PLCZ1: variants seen among roughly 807,000 people sequenced by gnomAD.
PLCZ1 encodes the protein 1-phosphatidylinositol 4,5-bisphosphate phosphodiesterase zeta-1.
In PLCZ1, 64 loss-of-function variants were observed where a neutral mutation model predicts 76.8. The observed-to-expected ratio is 0.83, with a 90% CI of 0.68 to 1.03. The LOEUF is 1.03. Ranked by LOEUF, PLCZ1 falls within the 50% of genes least tolerant of loss-of-function variation. The pLI is 0.00. For missense variants in PLCZ1, 751 were observed against 713.7 expected (o/e 1.05, Z -0.60); for synonymous variants, 248 against 230.8 (o/e 1.07, Z -0.68).
chr12:18,686,464 C>T (rs1380892849), intron 13 of PLCZ1, among the ~76,000 whole-genome samples: 1 of 151,968 alleles, frequency 6.6e-6, no homozygotes, highest in Non-Finnish European at 1.5e-5. Flanking sequence ...AGTTTCTTGG[C>T]TTTTCTCTAG....
chr12:18,649,982 CT>C, the PLCZ1 span, among the ~76,000 whole-genome samples: 3,841 of 152,122 alleles, frequency 0.025, 72 homozygotes, highest in Non-Finnish European at 0.04. Context: ...TCCCATCAAG[CT>C]TAACTCCTTT....
At chr12:18,721,821 T>G (rs985794410) in intron 4 of PLCZ1, among the ~76,000 whole-genome samples, 9 of 152,052 alleles carry the variant, frequency 5.9e-5, no homozygotes, top group African/African-American at 2.2e-4. Context: ...TGCAAAAATT[T>G]AATGGTGCTG....
At chr12:18,693,638 G>A in intron 12 of PLCZ1, 1 of 1,564,686 alleles carries the variant, frequency 6.4e-7, no homozygotes, top group Non-Finnish European at 8.8e-7. Flanking sequence ...TGATGAAATT[G>A]ACGCCATTGG....
chr12:18,673,713 G>T, the PLCZ1 span, among the ~76,000 whole-genome samples: 3 of 152,154 alleles, frequency 2.0e-5, no homozygotes, highest in African/African-American at 7.2e-5. Context: ...AGGCTACAAA[G>T]GGTCTGCAGT....
chr12:18,676,609 A>G, the PLCZ1 span, among the ~76,000 whole-genome samples: 1 of 152,108 alleles, frequency 6.6e-6, no homozygotes, highest in Non-Finnish European at 1.5e-5. Flanking sequence ...TCTGTTGTAG[A>G]CTACAAAGAA....
At chr12:18,650,329 C>CTA in the PLCZ1 span, among the ~76,000 whole-genome samples, 1,824 of 82,108 alleles carry the variant, frequency 0.022, 17 homozygotes, top group Middle Eastern at 0.059. Flanking sequence ...CTCTCTCTCT[C>CTA]TCTATATATA....
At chr12:18,733,736 A>G (rs1168378825) in intron 3 of PLCZ1, among the ~76,000 whole-genome samples, 2 of 152,076 alleles carry the variant, frequency 1.3e-5, no homozygotes, top group Non-Finnish European at 2.9e-5. Context: ...TTTCCCCATT[A>G]TGTATTTTAG....
chr12:18,692,641 C>G (rs1262820867), intron 12 of PLCZ1: 3 of 608,036 alleles, frequency 4.9e-6, no homozygotes, highest in Non-Finnish European at 8.6e-6. Flanking sequence ...GGCAGGAGGA[C>G]TAATTATGCA....
chr12:18,683,162 A>G (rs557340175), downstream of PLCZ1: 2 of 1,264,950 alleles, frequency 1.6e-6, no homozygotes, highest in African/African-American at 1.5e-5. Context: ...TATGTTTAAA[A>G]AAGAAAACAT....
At chr12:18,670,117 G>C in the PLCZ1 span, among the ~76,000 whole-genome samples, 4 of 152,092 alleles carry the variant, frequency 2.6e-5, no homozygotes, top group Admixed American at 2.0e-4. Context: ...GGAATGTTTG[G>C]AGAGGACATA....
chr12:18,680,060 C>T (rs1265036425), downstream of PLCZ1, among the ~76,000 whole-genome samples: 2 of 151,872 alleles, frequency 1.3e-5, no homozygotes, highest in African/African-American at 4.8e-5. Flanking sequence ...TTTGTTGGTA[C>T]ACATATTTCC....
chr12:18,697,243 C>T (rs1202569478), intron 10 of PLCZ1, among the ~76,000 whole-genome samples: 1 of 152,044 alleles, frequency 6.6e-6, no homozygotes, highest in African/African-American at 2.4e-5. Flanking sequence ...TCCCTTCATC[C>T]TAAATACTAT....
At chr12:18,724,286 G>A (rs1039619826) in intron 3 of PLCZ1, among the ~76,000 whole-genome samples, 1 of 151,956 alleles carries the variant, frequency 6.6e-6, no homozygotes. Context: ...AAATGACGAA[G>A]GAAGAATTCA....
At position 18,737,355 on chromosome 12, in the gene PLCZ1, G is replaced by A. The variant is rs1959476062; in HGVS notation, c.11+6C>T. On this transcript the variant is annotated splice_donor_region_variant and intron_variant, in intron 2 of 14. Transcript: ENST00000266505. ...AGAGGAGCAGAAAGAAGCTCTCAAT[G>A]GATATCTCATTTCCATAGTTTCATG... The A allele has an allele frequency of 6.2e-7, 1 of 1,612,778 alleles. No individual in the cohort carries two copies. Among genetic ancestry groups the A allele is most frequent in the Non-Finnish European group, 8.5e-7 (1 of 1,178,854 alleles).
chr12:18,650,085 G>C, the PLCZ1 span, among the ~76,000 whole-genome samples: 1 of 151,956 alleles, frequency 6.6e-6, no homozygotes, highest in Non-Finnish European at 1.5e-5. Context: ...CCAGATTCCA[G>C]AGATGAGTAA....
the PLCZ1 span, among the ~76,000 whole-genome samples, chr12:18,652,113 T>C: frequency 2.0e-5 from 3 of 152,222 alleles, no homozygotes; most frequent in South Asian, 2.1e-4. Context: ...CTCCCCAAAA[T>C]TGATAGGTTG....
chr12:18,679,316 T>C (rs1225053373), downstream of PLCZ1, among the ~76,000 whole-genome samples: 1 of 152,084 alleles, frequency 6.6e-6, no homozygotes, highest in Admixed American at 6.6e-5. Context: ...AAATCAACTC[T>C]ATCATTTATT....
intron 12 of PLCZ1, among the ~76,000 whole-genome samples, chr12:18,692,148 C>T (rs1954194363): frequency 2.0e-5 from 3 of 152,164 alleles, no homozygotes; most frequent in South Asian, 2.1e-4. Flanking sequence ...CGCTCAGCAG[C>T]TGGCAGAGCT....
At chr12:18,725,299 A>T (rs537725480) in intron 3 of PLCZ1, among the ~76,000 whole-genome samples, 3 of 152,144 alleles carry the variant, frequency 2.0e-5, no homozygotes, top group Non-Finnish European at 2.9e-5. Flanking sequence ...GGGAGAAGAA[A>T]AGCAATAAGA....
Sources: gnomAD v4.1 joint callset for allele counts (sites outside exome capture counted in the v4.1 genomes callset) on GRCh38, gnomAD v4.1.1 for gene constraint, MANE v1.5 for transcripts, NCBI Gene and HGNC (gene_info 2026-07-23, HGNC 2026-07-21) for gene names.